KMT5B: variants seen among roughly 807,000 people sequenced by gnomAD.
KMT5B encodes lysine methyltransferase 5B.
Under a neutral mutation model 83.2 loss-of-function variants are expected in KMT5B, and 10 were observed. That is an observed-to-expected ratio of 0.12 (90% CI 0.07 to 0.20). The LOEUF (loss-of-function observed/expected upper bound fraction) is 0.20, where lower values mean the gene tolerates loss of function less well. Among genes scored for constraint, KMT5B ranks in the 10% least tolerant of loss-of-function variants. The pLI, the probability that KMT5B is intolerant of heterozygous loss-of-function variation, is 1.00. For missense variants in KMT5B, 753 were observed against 1,067.2 expected (o/e 0.71, Z 4.10); for synonymous variants, 349 against 388.8 (o/e 0.90, Z 1.20).
intron 10 of KMT5B, chr11:68,166,196 A>C: frequency 3.8e-6 from 5 of 1,309,422 alleles, no homozygotes; most frequent in Non-Finnish European, 4.8e-6. Context: ...TGTTACCCAG[A>C]AAAACAGGAG....
intron 1 of KMT5B, among the ~76,000 whole-genome samples, chr11:68,204,659 T>C (rs1478049158): frequency 7.4e-6 from 1 of 134,360 alleles, no homozygotes; most frequent in Admixed American, 8.8e-5. Context: ...ACATGTTGCC[T>C]AGGCTGGAGG....
chr11:68,180,500 A>C (rs1304464730), intron 3 of KMT5B, among the ~76,000 whole-genome samples: 1 of 152,242 alleles, frequency 6.6e-6, no homozygotes, highest in African/African-American at 2.4e-5. Flanking sequence ...TTCATATCCA[A>C]TAGTGGATAT....
At chr11:68,210,258 C>A (rs575700688) in intron 1 of KMT5B, among the ~76,000 whole-genome samples, 1 of 150,876 alleles carries the variant, frequency 6.6e-6, no homozygotes, top group East Asian at 1.9e-4. Flanking sequence ...GGGGGGGGGA[C>A]ACTGATACCC....
intron 10 of KMT5B, among the ~76,000 whole-genome samples, chr11:68,163,655 G>A (rs1855047615): frequency 6.6e-6 from 1 of 152,214 alleles, no homozygotes; most frequent in Admixed American, 6.5e-5. Flanking sequence ...CTCCAGAGCT[G>A]GAGGATCCAG....
chr11:68,207,419 G>A (rs947457490), intron 1 of KMT5B, among the ~76,000 whole-genome samples: 2 of 151,982 alleles, frequency 1.3e-5, no homozygotes, highest in Non-Finnish European at 2.9e-5. Flanking sequence ...TTTTACAAAT[G>A]AGAACAAAAC....
rs557629442 is a variant in KMT5B at position 68,161,378 on chromosome 11, A to G, written c.1175-2207T>C. ...CTTGGCTCTCTCAGATGTGGCTACG[A>G]TGATCCTTTGCTCATTCTATGCCTC... On this transcript the variant is annotated intron_variant, in intron 10 of 10. Transcript: ENST00000304363. Among the ~76,000 whole-genome samples, 42 of 152,240 alleles carry G rather than the reference A, an allele frequency of 2.8e-4. 1 individual carries two copies. The highest frequency in any genetic ancestry group is 3.3e-4 in the Admixed American group (5 of 15,288).
At chr11:68,166,113 C>T in intron 10 of KMT5B, 2 of 1,449,716 alleles carry the variant, frequency 1.4e-6, no homozygotes, top group Non-Finnish European at 1.8e-6. Context: ...TCAAAACTTT[C>T]TAACTTCTGT....
intron 2 of KMT5B, among the ~76,000 whole-genome samples, chr11:68,186,704 T>C (rs867736266): frequency 1.6e-4 from 24 of 152,248 alleles, no homozygotes; most frequent in African/African-American, 5.5e-4. Context: ...TTGATGTATA[T>C]GCCACTGACA....
rs1293592771 is a variant in KMT5B at position 68,213,177 on chromosome 11, G to C, written c.-116C>G. 1.5e-5 allele frequency: 2 copies of C among 132,710 alleles called. No homozygotes were observed. The highest frequency in any genetic ancestry group is 1.5e-4 in the Admixed American group (2 of 13,736). 8.2% of individuals were successfully genotyped at this position (132,710 alleles called of 1,614,324 possible). ...CGCTCCTCCTCGGGGCGCGTCCCAG[G>C]CCCCGCTGCCCGGCCGCTGCGATGC... On this transcript the variant is annotated 5_prime_UTR_variant, in exon 1 of 11. Coordinates refer to ENST00000304363, the MANE Select transcript of KMT5B (RefSeq NM_017635.5).
intron 3 of KMT5B, 23 bp downstream of exon 3, chr11:68,185,758 T>A: frequency 6.2e-7 from 1 of 1,603,596 alleles, no homozygotes; most frequent in Non-Finnish European, 8.5e-7. Context: ...TCTGTTCCAT[T>A]CAGGATAAAG....
At chr11:68,200,226 C>CG (rs1343126112) in intron 1 of KMT5B, among the ~76,000 whole-genome samples, 2 of 152,066 alleles carry the variant, frequency 1.3e-5, no homozygotes, top group Non-Finnish European at 1.5e-5. Context: ...GACTGGGTGT[C>CG]GGGGGCACTT....
intron 3 of KMT5B, among the ~76,000 whole-genome samples, chr11:68,184,413 T>G (rs1455758044): frequency 6.6e-6 from 1 of 152,104 alleles, no homozygotes; most frequent in Non-Finnish European, 1.5e-5. Context: ...AACAAAAGCA[T>G]ATTTTTACCT....
chr11:68,164,638 T>C (rs1855150901), intron 10 of KMT5B: 1 of 512,378 alleles, frequency 2.0e-6, no homozygotes, highest in Non-Finnish European at 3.9e-6. Flanking sequence ...GCCCATGACC[T>C]CAGAGTTAGT....
intron 10 of KMT5B, chr11:68,166,392 A>C (rs1590939860): frequency 2.0e-6 from 2 of 1,014,234 alleles, no homozygotes; most frequent in East Asian, 9.8e-5. Flanking sequence ...TTCCATCTTT[A>C]CTCCTACTTT....
At chr11:68,165,112 T>C (rs532196666) in intron 10 of KMT5B, among the ~76,000 whole-genome samples, 4 of 152,236 alleles carry the variant, frequency 2.6e-5, no homozygotes, top group Non-Finnish European at 5.9e-5. Flanking sequence ...TACTTAAGCA[T>C]AAAACACCTA....
At chr11:68,166,631 A>G (rs934729409) in intron 10 of KMT5B, 66 of 1,055,928 alleles carry the variant, frequency 6.3e-5, no homozygotes, top group Non-Finnish European at 7.3e-5. Context: ...GTCTAATTTA[A>G]TTCTACTCAG....
intron 2 of KMT5B, among the ~76,000 whole-genome samples, chr11:68,187,465 G>A (rs1488605760): frequency 2.0e-5 from 3 of 152,122 alleles, no homozygotes; most frequent in Admixed American, 6.5e-5. Context: ...TTAGAAGTGT[G>A]TTATTTCATT....
At position 68,165,666 on chromosome 11, in the gene KMT5B, T is replaced by C. The variant is rs1437028268; in HGVS notation, c.1174+1316A>G. On this transcript the variant is annotated intron_variant, in intron 10 of 10. Transcript: ENST00000304363. ...TGTTTTTATGTCTGCATTTATAAAA[T>C]GGGCTTCACAAGTCTCCAGTTTCAC... 6 of 1,222,044 alleles carry C rather than the reference T, an allele frequency of 4.9e-6. No homozygotes were observed. The South Asian group carries it at 1.2e-4, about 25-fold the overall frequency. The allele number at this position is 1,222,044 out of a possible 1,614,324, so 75.7% of individuals were successfully genotyped here. A position where few individuals can be genotyped will look rare whatever the true frequency, so the allele number is the denominator to read the frequency against.
chr11:68,195,834 T>C (rs1224850425), intron 1 of KMT5B, among the ~76,000 whole-genome samples: 1 of 152,204 alleles, frequency 6.6e-6, no homozygotes, highest in East Asian at 1.9e-4. Context: ...TATATATGTG[T>C]AAATGTGTGT....
Sources: allele counts gnomAD v4.1 joint callset (sites outside exome capture counted in the v4.1 genomes callset), GRCh38; gene constraint gnomAD v4.1.1; transcripts MANE v1.5; gene names NCBI Gene and HGNC (gene_info 2026-07-23, HGNC 2026-07-21).